The following CAMKK2 variants were observed in gnomAD, a reference collection of about 807,000 sequenced individuals.
CAMKK2 encodes the protein calcium/calmodulin-dependent protein kinase kinase 2.
CAMKK2 carries 30 observed loss-of-function variants against 67.2 expected under a neutral mutation model. The observed-to-expected ratio is 0.45, with a 90% CI of 0.33 to 0.61. The LOEUF (loss-of-function observed/expected upper bound fraction) is 0.61, where lower values mean the gene tolerates loss of function less well. CAMKK2 is among the 20% of genes least tolerant of loss of function. The pLI is 0.02. For missense variants in CAMKK2, 643 were observed against 802.0 expected (o/e 0.80, Z 2.39); for synonymous variants, 322 against 326.2 (o/e 0.99, Z 0.14).
chr12:121,282,304 T>C (rs1151891), intron 1 of CAMKK2, among the ~76,000 whole-genome samples: 2,571 of 152,118 alleles, frequency 0.017, 70 homozygotes, highest in African/African-American at 0.058. Context: ...TGGATGATGA[T>C]GACGAGAGGG....
Position 121,240,939 on chromosome 12 carries a change from C to T in CAMKK2, c.1597-70G>A. The T allele has an allele frequency of 1.3e-6, 2 of 1,539,076 alleles. No individual in the cohort carries two copies. The highest frequency in any genetic ancestry group is 2.3e-5 in the South Asian group (2 of 86,108). ...CAGCGAGGCCCTGAGCCAGCTGCTCCCACATCTGGGCCCCCTGCCCAAGTG... is the reference window on the plus strand; with the variant it reads ...CAGCGAGGCCCTGAGCCAGCTGCTCTCACATCTGGGCCCCCTGCCCAAGTG... On this transcript the variant is annotated intron_variant, in intron 16 of 16. Transcript: ENST00000404169. The surrounding 1 kb of genome is among the most constrained non-coding windows in gnomAD (Gnocchi z 4.4).
At position 121,274,118 on chromosome 12, in the gene CAMKK2, A is replaced by G. The variant is rs1003140498; in HGVS notation, c.409T>C (p.Ser137Pro). Residue 137 changes from serine (S) to proline (P), a missense_variant, in exon 2 of 17, where the codon TCG becomes CCG. By Grantham distance (74) the Ser-to-Pro change is moderately conservative. This residue lies in a region of CAMKK2 where 483 missense variants were observed against 625.8 expected (regional missense o/e 0.77). Transcript: ENST00000404169. Reference sequence around the variant, plus strand: ...GTCGGCCGCCGGGGCAGCCGAGGCGAGGACTGCGGGGAGCTGACGGGTGAG... The same window carrying G: ...GTCGGCCGCCGGGGCAGCCGAGGCGGGGACTGCGGGGAGCTGACGGGTGAG... ...PYSPVSSPQS[S>P]PRLPRRPTVE... is the part of the protein sequence containing the mutation. The G allele has an allele frequency of 6.4e-7, 1 of 1,560,400 alleles. No individual in the cohort carries two copies. The highest frequency in any genetic ancestry group is 8.7e-7 in the Non-Finnish European group (1 of 1,151,800).
Position 121,274,159 on chromosome 12 carries a change from C to T in CAMKK2, c.368G>A (p.Cys123Tyr), listed in dbSNP as rs35403710. The T allele has an allele frequency of 9.6e-3, 15,287 of 1,594,826 alleles. 96 individuals are homozygous for T. Among genetic ancestry groups the T allele is most frequent in the South Asian group, 0.016 (1,436 of 89,176 alleles). ...GSLDMNGRCICPSLPYSPVSS... is the reference protein window; with the variant it reads ...GSLDMNGRCIYPSLPYSPVSS... ...GACGGGTGAGTAGGGCAGGGACGGG[C>T]AGATGCAGCGTCCGTTCATGTCCAG... Residue 123 changes from cysteine (C) to tyrosine (Y), a missense_variant, in exon 2 of 17, where the codon TGC (cysteine) becomes TAC (tyrosine). Physicochemically the swap from Cys to Tyr is radical, Grantham distance 194. Coordinates refer to ENST00000404169, the MANE Select transcript of CAMKK2 (RefSeq NM_001270485.2).
intron 1 of CAMKK2, among the ~76,000 whole-genome samples, chr12:121,291,762 A>C (rs2136655697): frequency 6.6e-6 from 1 of 152,292 alleles, no homozygotes; most frequent in African/African-American, 2.4e-5. Flanking sequence ...TTCACTTTAA[A>C]ATGGTTAAGT....
intron 1 of CAMKK2, among the ~76,000 whole-genome samples, chr12:121,280,072 G>A (rs1470729531): frequency 1.3e-5 from 2 of 152,242 alleles, no homozygotes; most frequent in East Asian, 1.9e-4. Context: ...GGCCACGGAC[G>A]ATGTCCTGCC....
At chr12:121,278,863 G>A (rs569934960) in intron 1 of CAMKK2, among the ~76,000 whole-genome samples, 2 of 152,286 alleles carry the variant, frequency 1.3e-5, no homozygotes, top group African/African-American at 4.8e-5. Context: ...ATGTTCCCAC[G>A]AGGACCAATG....
At chr12:121,264,730 C>T (rs1305617614) in intron 5 of CAMKK2, among the ~76,000 whole-genome samples, 3 of 151,454 alleles carry the variant, frequency 2.0e-5, no homozygotes, top group Non-Finnish European at 2.9e-5. Flanking sequence ...GCCAAGATAG[C>T]GCCACTGCAC....
intron 9 of CAMKK2, among the ~76,000 whole-genome samples, chr12:121,254,265 C>T (rs924030239): frequency 2.0e-5 from 3 of 152,022 alleles, no homozygotes; most frequent in African/African-American, 7.3e-5. Context: ...CAAGACCAGC[C>T]TGGCCAACAT....
At chr12:121,250,100 G>A in intron 11 of CAMKK2, 66 bp from the exon 12 acceptor site, 2 of 1,211,570 alleles carry the variant, frequency 1.7e-6, no homozygotes, top group Non-Finnish European at 2.4e-6. Context: ...AGGGCCACCT[G>A]TGCTGTGCCA....
intron 11 of CAMKK2, 43 bp from the exon 12 acceptor site, chr12:121,250,077 CA>C: frequency 6.6e-7 from 1 of 1,525,086 alleles, no homozygotes; most frequent in Non-Finnish European, 9.0e-7. Flanking sequence ...ATGGCGGCCA[CA>C]TCTGCCCTTC....
intron 11 of CAMKK2, among the ~76,000 whole-genome samples, chr12:121,252,038 A>G (rs149603817): frequency 6.6e-6 from 1 of 152,302 alleles, no homozygotes; most frequent in African/African-American, 2.4e-5. Context: ...AGGAACGAGC[A>G]CAGTTATTGA....
At chr12:121,244,150 G>T (rs1451253114) in intron 16 of CAMKK2, 2 of 1,609,002 alleles carry the variant, frequency 1.2e-6, no homozygotes, top group Non-Finnish European at 1.7e-6. Flanking sequence ...CAAAGAAAGA[G>T]AAGTGGAGGC....
chr12:121,294,079 T>C (rs1420673014), intron 1 of CAMKK2, among the ~76,000 whole-genome samples: 1 of 152,106 alleles, frequency 6.6e-6, no homozygotes, highest in Non-Finnish European at 1.5e-5. Flanking sequence ...ATTACAGGTG[T>C]GTGCCACCAC....
In CAMKK2 at chr12:121,274,558, G is replaced by C; in HGVS notation, c.-32C>G. 1 of 1,511,480 alleles carries C rather than the reference G, an allele frequency of 6.6e-7. No individual in the cohort carries two copies. Among genetic ancestry groups the C allele is most frequent in the Non-Finnish European group, 9.0e-7 (1 of 1,111,800 alleles). The allele number at this position is 1,511,480 out of a possible 1,614,324, so 93.6% of individuals were successfully genotyped here. ...TGCGCCAGCTTCATCCAGCACACTG[G>C]GGCACTCCCATCCGGCAGCGGAGCC... is the stretch of plus-strand genomic sequence containing the variant. On this transcript the variant is annotated 5_prime_UTR_variant, in exon 2 of 17. Coordinates refer to ENST00000404169, the MANE Select transcript of CAMKK2 (RefSeq NM_001270485.2).
At chr12:121,243,022 G>A (rs188097090) in intron 16 of CAMKK2, among the ~76,000 whole-genome samples, 5 of 151,662 alleles carry the variant, frequency 3.3e-5, no homozygotes, top group Non-Finnish European at 2.9e-5. Context: ...GATTACAGGC[G>A]TGAGCCACCG....
chr12:121,280,664 G>A (rs926673372), intron 1 of CAMKK2, among the ~76,000 whole-genome samples: 3 of 151,746 alleles, frequency 2.0e-5, no homozygotes, highest in African/African-American at 7.3e-5. Context: ...CTCTGAACTG[G>A]CACCCCCCGG....
chr12:121,261,919 G>T (rs751163901), intron 6 of CAMKK2, among the ~76,000 whole-genome samples: 2 of 152,190 alleles, frequency 1.3e-5, no homozygotes, highest in Admixed American at 6.5e-5. Context: ...AGTCCTTGTC[G>T]TCTAGACCAG....
In CAMKK2 at chr12:121,245,336, G is replaced by A. The variant is rs1593269935; in HGVS notation, c.1453-96C>T. 1 of 783,250 alleles carries A rather than the reference G, an allele frequency of 1.3e-6. No individual in the cohort carries two copies. The highest frequency in any genetic ancestry group is 2.2e-6 in the Non-Finnish European group (1 of 454,860). 48.5% of individuals were successfully genotyped at this position (783,250 alleles called of 1,614,324 possible). On this transcript the variant is annotated intron_variant, in intron 14 of 16. Transcript: ENST00000404169. The surrounding 1 kb of genome is among the most constrained non-coding windows in gnomAD (Gnocchi z 5.8). ...TCCCTCTTCCTTCTCCCCAGCCCCTGCCAGCTCCCAGGGCTGGTGACCGAT... is the reference window on the plus strand; with the variant it reads ...TCCCTCTTCCTTCTCCCCAGCCCCTACCAGCTCCCAGGGCTGGTGACCGAT...
intron 6 of CAMKK2, among the ~76,000 whole-genome samples, chr12:121,261,701 C>T (rs1021387924): frequency 1.3e-5 from 2 of 152,234 alleles, no homozygotes; most frequent in Non-Finnish European, 2.9e-5. Context: ...CTCCCGAAGG[C>T]ACCATGTACT....
Sources: allele counts gnomAD v4.1 joint callset (sites outside exome capture counted in the v4.1 genomes callset), GRCh38; gene constraint gnomAD v4.1.1; regional missense constraint gnomAD v4.1.1; non-coding constraint Gnocchi (gnomAD v3.1); transcripts MANE v1.5; gene names NCBI Gene and HGNC (gene_info 2026-07-23, HGNC 2026-07-21).